PCBP3: variants seen among roughly 807,000 people sequenced by gnomAD.
PCBP3 encodes the protein poly(rC)-binding protein 3.
A neutral mutation model predicts 52.7 loss-of-function variants in PCBP3; 25 were observed. The ratio of observed to expected loss-of-function variants is 0.47; its 90% CI spans 0.35 to 0.66. The LOEUF (loss-of-function observed/expected upper bound fraction) is 0.66, where lower values mean the gene tolerates loss of function less well. Ranked by LOEUF, PCBP3 falls within the 30% of genes least tolerant of loss-of-function variation. The probability of loss-of-function intolerance (pLI) is 0.01; values close to 1 mark genes in which losing one functional copy is unlikely to be tolerated. For missense variants in PCBP3, 391 were observed against 490.3 expected, an observed-to-expected ratio of 0.80 and a Z score of 1.91; for synonymous variants, 162 against 183.0, an observed-to-expected ratio of 0.89 and a Z score of 0.93.
At chr21:45,680,430 CG>C in intron 2 of PCBP3, among the ~76,000 whole-genome samples, 1 of 151,968 alleles carries the variant, frequency 6.6e-6, no homozygotes, top group East Asian at 1.9e-4. Flanking sequence ...AATTTCTACA[CG>C]TTTTGGTGGA....
chr21:45,826,856 C>T (rs561548137), intron 4 of PCBP3, among the ~76,000 whole-genome samples: 8 of 152,316 alleles, frequency 5.3e-5, no homozygotes, highest in Admixed American at 3.3e-4. Flanking sequence ...CAGAACAAAA[C>T]GTGCTCTGCC....
At chr21:45,689,688 G>A (rs781145834) in intron 2 of PCBP3, among the ~76,000 whole-genome samples, 15 of 151,980 alleles carry the variant, frequency 9.9e-5, no homozygotes, top group South Asian at 2.1e-4. Flanking sequence ...GCTAAATTGA[G>A]GATACAAGTT....
intron 4 of PCBP3, among the ~76,000 whole-genome samples, chr21:45,841,115 A>G (rs2093690999): frequency 1.3e-5 from 2 of 152,196 alleles, no homozygotes. Context: ...AGGTTTGGGT[A>G]AGTATATTCT....
rs2093605468 is a variant in PCBP3 at position 45,837,028 on chromosome 21, GGT to G, written c.-125-12930_-125-12929del. ...TGTGTTTCTTTTGGTGCACACATGA[GGT>G]GTTTTTGGTTTAAGGAAGTGGAATT... On this transcript the variant is annotated intron_variant, in intron 4 of 17. Coordinates refer to ENST00000681687, the MANE Select transcript of PCBP3 (RefSeq NM_001384156.1). This position sits in a 1 kb window ranked among gnomAD's most constrained non-coding sequence, Gnocchi z 4.1. Among the ~76,000 whole-genome samples the G allele has an allele frequency of 6.6e-6, 1 of 152,172 alleles. No homozygotes were observed. The highest frequency in any genetic ancestry group is 6.5e-5 in the Admixed American group (1 of 15,284).
intron 4 of PCBP3, among the ~76,000 whole-genome samples, chr21:45,767,014 A>G (rs945705301): frequency 2.6e-5 from 4 of 152,232 alleles, no homozygotes; most frequent in Non-Finnish European, 5.9e-5. Flanking sequence ...TGACCCTGAC[A>G]GCAGCTCTGT....
At chr21:45,893,882 C>G in intron 5 of PCBP3, 1 of 985,410 alleles carries the variant, frequency 1.0e-6, no homozygotes, top group Non-Finnish European at 1.2e-6. Flanking sequence ...GCAGGCTCTA[C>G]TTCAGCCCTT....
At chr21:45,655,311 A>G (rs1340465572) in intron 1 of PCBP3, among the ~76,000 whole-genome samples, 3 of 151,838 alleles carry the variant, frequency 2.0e-5, no homozygotes, top group Admixed American at 2.0e-4. Context: ...CATCTTCGGG[A>G]AACAATTTGG....
At chr21:45,896,520 A>C in intron 6 of PCBP3, 158 bp downstream of exon 6, 1 of 639,222 alleles carries the variant, frequency 1.6e-6, no homozygotes, top group Non-Finnish European at 2.6e-6. Context: ...AAAGGCAGAC[A>C]TGGCACATAG....
intron 14 of PCBP3, among the ~76,000 whole-genome samples, chr21:45,930,383 C>T (rs1410191076): frequency 6.6e-6 from 1 of 152,192 alleles, no homozygotes; most frequent in Non-Finnish European, 1.5e-5. Context: ...AGCAAGAGCA[C>T]AGCTGACGTG....
intron 13 of PCBP3, among the ~76,000 whole-genome samples, chr21:45,927,324 C>CTCCCTCTCCCCCT: frequency 1.8e-5 from 1 of 56,156 alleles, no homozygotes; most frequent in East Asian, 5.0e-4. Flanking sequence ...CTCCCTCTCC[C>CTCCCTCTCCCCCT]CCTACATCCT....
At chr21:45,803,405 G>C (rs1044850066) in intron 4 of PCBP3, among the ~76,000 whole-genome samples, 22 of 152,288 alleles carry the variant, frequency 1.4e-4, no homozygotes, top group African/African-American at 5.3e-4. Flanking sequence ...CCTCCTAGCA[G>C]CTGCACACTG....
intron 4 of PCBP3, among the ~76,000 whole-genome samples, chr21:45,773,657 G>A (rs572080336): frequency 8.5e-5 from 13 of 152,120 alleles, no homozygotes; most frequent in Admixed American, 8.5e-4. Flanking sequence ...TATATATTTT[G>A]AAGTCAGATA....
chr21:45,676,383 A>T (rs1266876361), intron 2 of PCBP3, among the ~76,000 whole-genome samples: 1 of 152,088 alleles, frequency 6.6e-6, no homozygotes, highest in Non-Finnish European at 1.5e-5. Context: ...TTTTTTAAAC[A>T]AATTTAAGGT....
chr21:45,825,114 G>C (rs2093271910), intron 4 of PCBP3, among the ~76,000 whole-genome samples: 1 of 152,194 alleles, frequency 6.6e-6, no homozygotes, highest in Non-Finnish European at 1.5e-5. Context: ...CATTGGCTCT[G>C]AGCTTGTGCC....
intron 3 of PCBP3, among the ~76,000 whole-genome samples, chr21:45,738,854 C>T (rs111993080): frequency 5.3e-4 from 63 of 118,784 alleles, no homozygotes; most frequent in African/African-American, 9.2e-4. Flanking sequence ...TTCCTGTCCA[C>T]GGTCCTCTGG....
intron 5 of PCBP3, among the ~76,000 whole-genome samples, chr21:45,864,656 C>T (rs533295043): frequency 1.3e-5 from 2 of 152,152 alleles, no homozygotes; most frequent in African/African-American, 2.4e-5. Context: ...ATTTCCTGCT[C>T]CTGCTTGCAT....
At chr21:45,799,440 ATTG>A (rs143175926) in intron 4 of PCBP3, among the ~76,000 whole-genome samples, 24,516 of 152,086 alleles carry the variant, frequency 0.16, 2,085 homozygotes, top group Middle Eastern at 0.32. Flanking sequence ...CTGTTTTATT[ATTG>A]TTAATCTTCC....
chr21:45,712,962 T>TA (rs1443693049), intron 2 of PCBP3, among the ~76,000 whole-genome samples: 1 of 152,156 alleles, frequency 6.6e-6, no homozygotes, highest in African/African-American at 2.4e-5. Flanking sequence ...TGGGCTCAAG[T>TA]GATCCTCCTG....
chr21:45,814,211 C>T (rs547432803), intron 4 of PCBP3, among the ~76,000 whole-genome samples: 59 of 152,336 alleles, frequency 3.9e-4, no homozygotes, highest in African/African-American at 1.3e-3. Flanking sequence ...AATGGCACAC[C>T]TGGGTAGGGC....
Sources: gnomAD v4.1 joint callset for allele counts (sites outside exome capture counted in the v4.1 genomes callset) on GRCh38, gnomAD v4.1.1 for gene constraint, Gnocchi (gnomAD v3.1) non-coding constraint, MANE v1.5 for transcripts, NCBI Gene and HGNC (gene_info 2026-07-23, HGNC 2026-07-21) for gene names.